HECW1: variants seen among roughly 807,000 people sequenced by gnomAD.
HECW1 encodes the protein HECT, C2 and WW domain containing E3 ubiquitin protein ligase 1.
In HECW1, 61 loss-of-function variants were observed where a neutral mutation model predicts 182.3. The ratio of observed to expected loss-of-function variants is 0.33; its 90% CI spans 0.27 to 0.41. The LOEUF is 0.41. HECW1 is among the 10% of genes least tolerant of loss of function. The pLI is 1.00. For missense variants in HECW1, 1,739 were observed against 2,108.9 expected, an observed-to-expected ratio of 0.82 and a Z score of 3.44; for synonymous variants, 859 against 832.6, an observed-to-expected ratio of 1.03 and a Z score of -0.55.
intron 24 of HECW1, among the ~76,000 whole-genome samples, chr7:43,537,736 G>A (rs374919831): frequency 2.5e-4 from 38 of 152,282 alleles, no homozygotes; most frequent in African/African-American, 7.7e-4. Flanking sequence ...GAGTCATCCC[G>A]TCTGTGGTTA....
chr7:43,382,398 A>G (rs1436123506), intron 6 of HECW1, among the ~76,000 whole-genome samples: 25 of 152,214 alleles, frequency 1.6e-4, no homozygotes, highest in Admixed American at 1.6e-3. Context: ...CACATGGGGT[A>G]ACTACCCAGT....
intron 2 of HECW1, among the ~76,000 whole-genome samples, chr7:43,234,753 G>A (rs931257316): frequency 3.9e-5 from 6 of 152,026 alleles, no homozygotes; most frequent in African/African-American, 1.5e-4. Context: ...CCCTCAACAC[G>A]AGCTCCACAG....
chr7:43,533,138 A>G (rs2081056199), intron 24 of HECW1, among the ~76,000 whole-genome samples: 1 of 151,914 alleles, frequency 6.6e-6, no homozygotes, highest in South Asian at 2.1e-4. Context: ...ACTACTGGGC[A>G]TCTAGTAGGT....
chr7:43,313,865 C>G (rs1013189741), intron 4 of HECW1, among the ~76,000 whole-genome samples: 1 of 152,170 alleles, frequency 6.6e-6, no homozygotes, highest in Non-Finnish European at 1.5e-5. Context: ...CCCCTCCCAC[C>G]CATTCGGACC....
At chr7:43,215,028 T>A (rs915472881) in intron 2 of HECW1, among the ~76,000 whole-genome samples, 1 of 152,250 alleles carries the variant, frequency 6.6e-6, no homozygotes, top group Non-Finnish European at 1.5e-5. Context: ...GGGTATTTAT[T>A]CACTTACTCT....
intron 3 of HECW1, among the ~76,000 whole-genome samples, chr7:43,264,790 G>A (rs1283660299): frequency 6.7e-6 from 1 of 149,470 alleles, no homozygotes; most frequent in East Asian, 2.0e-4. Context: ...CTTGCAGTGA[G>A]CCGAGATCGC....
rs2079350442 is a variant in HECW1, at chr7:43,501,302, C to T, written c.3611C>T (p.Ser1204Phe). ...TTCTCTCCCCGATGTTCACCCTGTT[C>T]TTCACCTCAGAACTCCCCAGGTAAC... ...YSFSPRCSPC[S>F]SPQNSPGLQR... is the part of the protein sequence containing the mutation. The change falls in exon 21 of 30, where the codon TCT becomes TTT. Residue 1204 changes from serine to phenylalanine, a missense_variant. Physicochemically the swap from Ser to Phe is radical, Grantham distance 155. Coordinates refer to ENST00000395891, the MANE Select transcript of HECW1 (RefSeq NM_015052.5). The T allele has an allele frequency of 6.2e-7, 1 of 1,600,704 alleles. No homozygotes were observed. The highest frequency in any genetic ancestry group is 8.5e-7 in the Non-Finnish European group (1 of 1,171,148).
chr7:43,476,205 A>G (rs2078214889), intron 16 of HECW1, among the ~76,000 whole-genome samples: 1 of 152,224 alleles, frequency 6.6e-6, no homozygotes, highest in Non-Finnish European at 1.5e-5. Flanking sequence ...GTAAATACAC[A>G]AATAATAACT....
At chr7:43,395,704 G>T (rs1045437172) in intron 6 of HECW1, among the ~76,000 whole-genome samples, 2 of 152,278 alleles carry the variant, frequency 1.3e-5, no homozygotes, top group African/African-American at 4.8e-5. Context: ...ACAAGCAGCA[G>T]CCAAGCTCAC....
chr7:43,346,763 T>G (rs71540523), intron 5 of HECW1, among the ~76,000 whole-genome samples: 28,184 of 152,138 alleles, frequency 0.19, 3,453 homozygotes, highest in Non-Finnish European at 0.27. Flanking sequence ...TTTCCCCACT[T>G]TATGTTTTTG....
chr7:43,289,739 A>G lies in HECW1; in HGVS notation c.28-22024A>G, dbSNP rs570414631. ...GAAAACAATCTCAAGAGGTCCTGAG[A>G]AAGTGTGGCCCAGGTGGTTACAGTT... On this transcript the variant is annotated intron_variant, in intron 3 of 29. Transcript: ENST00000395891. Among the ~76,000 whole-genome samples the G allele has an allele frequency of 1.5e-4, 23 of 152,366 alleles. No homozygotes were observed. The South Asian group carries it at 4.8e-3, about 32-fold the overall frequency.
At chr7:43,496,216 C>A (rs2079116804) in intron 19 of HECW1, among the ~76,000 whole-genome samples, 1 of 150,444 alleles carries the variant, frequency 6.6e-6, no homozygotes, top group South Asian at 2.2e-4. Context: ...AAACTAATAA[C>A]CTATTTTAAG....
rs1217330638 is a variant in HECW1 at position 43,523,016 on chromosome 7, G to A, written c.4019+13895G>A. ...GTTCTGCTTGTTTGTTTGTTTGTTT[G>A]TTTTGAGATGGAATTTCGCTCTTGT... On this transcript the variant is annotated intron_variant, in intron 24 of 29. Coordinates refer to ENST00000395891, the MANE Select transcript of HECW1 (RefSeq NM_015052.5). 6.7e-6 allele frequency: 3 copies of A among 445,872 alleles called. No individual in the cohort carries two copies. The East Asian group carries it at 2.2e-4, about 33-fold the overall frequency. 27.6% of individuals were successfully genotyped at this position (445,872 alleles called of 1,614,324 possible).
intron 5 of HECW1, among the ~76,000 whole-genome samples, chr7:43,355,836 A>C (rs568920473): frequency 3.9e-4 from 60 of 152,142 alleles, no homozygotes; most frequent in African/African-American, 1.3e-3. Context: ...TAAAAATACA[A>C]AAATTAGCTG....
intron 13 of HECW1, among the ~76,000 whole-genome samples, chr7:43,460,847 C>T (rs1388857621): frequency 6.6e-6 from 1 of 152,160 alleles, no homozygotes; most frequent in Admixed American, 6.5e-5. Flanking sequence ...AGAGGTCAGA[C>T]GTAGGGTCAA....
At chr7:43,204,413 G>C (rs1795279376) in intron 2 of HECW1, among the ~76,000 whole-genome samples, 1 of 152,198 alleles carries the variant, frequency 6.6e-6, no homozygotes, top group Non-Finnish European at 1.5e-5. Context: ...CAAGATGGCA[G>C]TTAAAGGATG....
In HECW1 at chr7:43,445,388, A is replaced by G; in HGVS notation, c.2216A>G (p.Glu739Gly). The part of the protein sequence containing the change: ...ESTVFSSQDD[E>G]EEENSAFESV... ...ACGGTCTTCTCCTCGCAAGACGACG[A>G]GGAGGAGGAGAACAGCGCGTTCGAG... Residue 739 changes from glutamate (E) to glycine (G), a missense_variant, in exon 11 of 30, where the codon GAG becomes GGG. Physicochemically the swap from Glu to Gly is moderately conservative, Grantham distance 98 (BLOSUM62 -2). Around this residue, in one of 5 missense-constraint regions of HECW1, gnomAD observed 971 missense variants for 1,029.1 expected, o/e 0.94. Coordinates refer to ENST00000395891, the MANE Select transcript of HECW1 (RefSeq NM_015052.5). 6.2e-7 allele frequency: 1 copy of G among 1,613,520 alleles called. No individual in the cohort carries two copies. The highest frequency in any genetic ancestry group is 8.5e-7 in the Non-Finnish European group (1 of 1,179,962).
intron 6 of HECW1, among the ~76,000 whole-genome samples, chr7:43,387,199 C>T (rs2074834698): frequency 6.6e-6 from 1 of 152,166 alleles, no homozygotes; most frequent in Admixed American, 6.5e-5. Context: ...TCCCTCCCCT[C>T]CTCACACAGC....
chr7:43,157,477 A>G (rs10252555), intron 2 of HECW1, among the ~76,000 whole-genome samples: 8,423 of 152,322 alleles, frequency 0.055, 776 homozygotes, highest in African/African-American at 0.19. Flanking sequence ...TGCTGTACTC[A>G]TAGAATAATA....
Sources: allele counts gnomAD v4.1 joint callset (sites outside exome capture counted in the v4.1 genomes callset), GRCh38; gene constraint gnomAD v4.1.1; regional missense constraint gnomAD v4.1.1; transcripts MANE v1.5; gene names NCBI Gene and HGNC (gene_info 2026-07-23, HGNC 2026-07-21).